GPC6: variants seen among roughly 807,000 people sequenced by gnomAD.
GPC6 encodes glypican-6.
GPC6 carries 14 observed loss-of-function variants against 55.2 expected under a neutral mutation model. That is an observed-to-expected ratio of 0.25 (90% CI 0.17 to 0.40). The LOEUF is 0.40. GPC6 is among the 10% of genes least tolerant of loss of function. The pLI, the probability that GPC6 is intolerant of heterozygous loss-of-function variation, is 1.00. For missense variants in GPC6, 641 were observed against 708.5 expected, an observed-to-expected ratio of 0.90 and a Z score of 1.08; for synonymous variants, 278 against 259.6, an observed-to-expected ratio of 1.07 and a Z score of -0.68.
intron 4 of GPC6, among the ~76,000 whole-genome samples, chr13:94,076,295 C>A (rs1049392528): frequency 3.3e-5 from 5 of 151,852 alleles, no homozygotes; most frequent in Non-Finnish European, 5.9e-5. Flanking sequence ...GTCCTTTGCC[C>A]ATTTTTAAAT....
At chr13:94,115,511 A>G (rs1179299362) in intron 4 of GPC6, among the ~76,000 whole-genome samples, 1 of 152,096 alleles carries the variant, frequency 6.6e-6, no homozygotes, top group African/African-American at 2.4e-5. Flanking sequence ...CTTTCATTTT[A>G]CGTAGTCACA....
intron 4 of GPC6, among the ~76,000 whole-genome samples, chr13:94,247,147 A>T (rs1490232105): frequency 1.3e-5 from 2 of 152,038 alleles, no homozygotes; most frequent in African/African-American, 2.4e-5. Flanking sequence ...TACTTTCCAG[A>T]TAGGTCATTG....
chr13:94,374,663 G>A (rs1315520370), intron 6 of GPC6, among the ~76,000 whole-genome samples: 2 of 151,464 alleles, frequency 1.3e-5, no homozygotes, highest in Non-Finnish European at 2.9e-5. Context: ...GAGACAGAAA[G>A]TCAACAAGGA....
At chr13:93,867,272 G>C (rs994970335) in intron 3 of GPC6, among the ~76,000 whole-genome samples, 1 of 151,710 alleles carries the variant, frequency 6.6e-6, no homozygotes, top group Non-Finnish European at 1.5e-5. Flanking sequence ...TTTTACAGTT[G>C]GTTTAATAAA....
chr13:93,401,585 T>C (rs1190655742), intron 1 of GPC6, among the ~76,000 whole-genome samples: 10 of 151,758 alleles, frequency 6.6e-5, no homozygotes, highest in East Asian at 5.8e-4. Context: ...ACAGTGTGAT[T>C]AGAAACCAGG....
intron 2 of GPC6, among the ~76,000 whole-genome samples, chr13:93,707,102 A>C (rs998066775): frequency 1.3e-5 from 2 of 151,764 alleles, no homozygotes; most frequent in Non-Finnish European, 2.9e-5. Flanking sequence ...TTTCTTCTTT[A>C]TACTTACCTA....
chr13:93,379,794 A>C (rs1178057402), intron 1 of GPC6, among the ~76,000 whole-genome samples: 1 of 152,158 alleles, frequency 6.6e-6, no homozygotes, highest in East Asian at 1.9e-4. Context: ...TGTAACTTTT[A>C]TTAATCCCAC....
intron 1 of GPC6, among the ~76,000 whole-genome samples, chr13:93,337,104 G>A (rs942467756): frequency 1.3e-4 from 20 of 152,122 alleles, no homozygotes; most frequent in African/African-American, 4.6e-4. Flanking sequence ...TGTTCCAGTG[G>A]CCATTAATGG....
At chr13:93,662,078 T>C (rs1378418554) in intron 2 of GPC6, among the ~76,000 whole-genome samples, 2 of 152,166 alleles carry the variant, frequency 1.3e-5, no homozygotes, top group African/African-American at 4.8e-5. Flanking sequence ...AATCATCCCC[T>C]ATGTGAGTTA....
intron 6 of GPC6, among the ~76,000 whole-genome samples, chr13:94,374,265 C>G (rs1463652882): frequency 1.3e-5 from 2 of 151,572 alleles, no homozygotes; most frequent in African/African-American, 2.4e-5. Flanking sequence ...AAGACACAGA[C>G]TGGCAAATTG....
chr13:93,275,692 AC>A (rs1877708816), intron 1 of GPC6, among the ~76,000 whole-genome samples: 1 of 152,044 alleles, frequency 6.6e-6, no homozygotes, highest in Non-Finnish European at 1.5e-5. Flanking sequence ...GTGTATCCAA[AC>A]TTCTTCTCAT....
At chr13:93,456,406 A>C (rs1385411919) in intron 1 of GPC6, among the ~76,000 whole-genome samples, 5 of 152,186 alleles carry the variant, frequency 3.3e-5, no homozygotes, top group Non-Finnish European at 7.3e-5. Context: ...TAATGAAAGA[A>C]ATTTTAAATG....
At chr13:93,798,938 T>A (rs116238417) in intron 2 of GPC6, among the ~76,000 whole-genome samples, 144 of 108,844 alleles carry the variant, frequency 1.3e-3, no homozygotes, top group Middle Eastern at 4.2e-3. Context: ...AAAAAAAAAA[T>A]GGTGACAACA....
At chr13:93,929,616 T>A (rs1251273288) in intron 3 of GPC6, among the ~76,000 whole-genome samples, 1 of 152,132 alleles carries the variant, frequency 6.6e-6, no homozygotes, top group Non-Finnish European at 1.5e-5. Context: ...AGTACAGAAA[T>A]TACAATGGGA....
chr13:93,517,996 G>T (rs577370773), intron 1 of GPC6, among the ~76,000 whole-genome samples: 3 of 149,012 alleles, frequency 2.0e-5, no homozygotes, highest in Non-Finnish European at 4.5e-5. Context: ...TATTTTTAGG[G>T]GTATATGTAG....
At chr13:94,321,250 C>A (rs1876808092) in intron 6 of GPC6, among the ~76,000 whole-genome samples, 1 of 152,212 alleles carries the variant, frequency 6.6e-6, no homozygotes, top group African/African-American at 2.4e-5. Flanking sequence ...TACATGACCT[C>A]ATTGTTTATG....
At position 94,352,658 on chromosome 13, in the gene GPC6, C is replaced by T. The variant is rs560765288; in HGVS notation, c.1153-29756C>T. ...TGGTAACTTTGCTCCATGTTACTCACCTCAGGTTCTGCCCTATTCCTTATG... is the reference window on the plus strand; with the variant it reads ...TGGTAACTTTGCTCCATGTTACTCATCTCAGGTTCTGCCCTATTCCTTATG... On this transcript the variant is annotated intron_variant, in intron 6 of 8. Transcript: ENST00000377047. 1.1e-4 allele frequency among the ~76,000 whole-genome samples: 17 copies of T among 152,316 alleles called. No individual in the cohort carries two copies. In the South Asian group the frequency reaches 1.9e-3, roughly 17 times the overall value.
intron 6 of GPC6, among the ~76,000 whole-genome samples, chr13:94,327,203 C>T (rs986407864): frequency 1.3e-5 from 2 of 152,190 alleles, no homozygotes; most frequent in East Asian, 1.9e-4. Context: ...TGGCTGTTCA[C>T]GTAGCTGTAA....
intron 6 of GPC6, among the ~76,000 whole-genome samples, chr13:94,316,255 C>T (rs1256260865): frequency 2.6e-5 from 4 of 152,114 alleles, no homozygotes; most frequent in Non-Finnish European, 4.4e-5. Flanking sequence ...AACCATCATC[C>T]TTTTTCGGTC....
Sources: gnomAD v4.1 joint callset for allele counts (sites outside exome capture counted in the v4.1 genomes callset) on GRCh38, gnomAD v4.1.1 for gene constraint, MANE v1.5 for transcripts, NCBI Gene and HGNC (gene_info 2026-07-23, HGNC 2026-07-21) for gene names.